Variants in KMT2E observed in about 807,000 individuals in gnomAD.
The protein encoded by KMT2E is histone reader KMT2E.
KMT2E carries 30 observed loss-of-function variants against 184.6 expected under a neutral mutation model. That is an observed-to-expected ratio of 0.16 (90% confidence interval 0.12 to 0.22). The LOEUF (loss-of-function observed/expected upper bound fraction) is 0.22, where lower values mean the gene tolerates loss of function less well. Among genes scored for constraint, KMT2E ranks in the 10% least tolerant of loss-of-function variants. KMT2E has a pLI of 1.00. For synonymous variants in KMT2E, 815 were observed against 776.5 expected, an observed-to-expected ratio of 1.05 and a Z score of -0.82; for missense variants, 2,023 against 2,237.4, an observed-to-expected ratio of 0.90 and a Z score of 1.93.
chr7:105,055,430 T>G (rs1371270733), intron 3 of KMT2E, among the ~76,000 whole-genome samples: 1 of 152,170 alleles, frequency 6.6e-6, no homozygotes, highest in African/African-American at 2.4e-5. Context: ...GAACTAGTCC[T>G]TGTCTATTCT....
chr7:105,017,471 A>G (rs985967676), intron 1 of KMT2E, among the ~76,000 whole-genome samples: 3 of 128,550 alleles, frequency 2.3e-5, no homozygotes, highest in Non-Finnish European at 5.1e-5. Flanking sequence ...GTAAAATGAT[A>G]CTGGCTTTTT....
chr7:105,077,410 A>G lies in KMT2E; in HGVS notation c.1107A>G (p.Glu369=). 6.2e-7 allele frequency: 1 copy of G among 1,607,864 alleles called. No homozygotes were observed. The highest frequency in any genetic ancestry group is 8.5e-7 in the Non-Finnish European group (1 of 1,175,888). The stretch of plus-strand genomic sequence containing the variant: ...AGTTTATGCTGAGAGAACAGTTTGA[A>G]GCAAATGGGTATTTCTTTAAAAGGT... ...RGKFMLREQF[E]ANGYFFKRPY... Residue 369 remains glutamate (E), a synonymous_variant, in exon 11 of 27, where the codon GAA becomes GAG. Transcript: ENST00000311117.
intron 1 of KMT2E, among the ~76,000 whole-genome samples, chr7:105,015,536 A>G (rs1202169735): frequency 6.6e-6 from 1 of 152,190 alleles, no homozygotes; most frequent in East Asian, 1.9e-4. Context: ...CTTGGAGAGA[A>G]TTAAGTGAGG....
intron 1 of KMT2E, among the ~76,000 whole-genome samples, chr7:105,026,206 C>T (rs1192567138): frequency 2.0e-5 from 3 of 152,002 alleles, no homozygotes; most frequent in Admixed American, 1.3e-4. Context: ...GGGATGGATC[C>T]AATTACATAC....
chr7:105,109,327 C>T (rs111361594), intron 23 of KMT2E, 99 bp downstream of exon 23: 52 of 1,215,710 alleles, frequency 4.3e-5, no homozygotes, highest in Non-Finnish European at 4.9e-5. Flanking sequence ...GATAGTGCTT[C>T]GTGGTCACAA....
rs1037090743 is a variant in KMT2E, at chr7:105,033,958, C to T, written c.-188-4168C>T. Among the ~76,000 whole-genome samples the T allele has an allele frequency of 2.7e-4, 41 of 152,050 alleles. 1 individual carries two copies. The highest frequency in any genetic ancestry group is 3.9e-4 in the Admixed American group (6 of 15,258). ...TTTTAACAACCCACTATCTCAGGAA[C>T]GAATCTATTCCTCAGAGAACTAATC... On this transcript the variant is annotated intron_variant, in intron 1 of 26. Coordinates refer to ENST00000311117, the MANE Select transcript of KMT2E (RefSeq NM_182931.3).
chr7:105,089,949 A>C, intron 13 of KMT2E, 60 bp from the exon 14 acceptor site: 1 of 1,574,274 alleles, frequency 6.4e-7, no homozygotes. Flanking sequence ...AAAATGGATT[A>C]GAAAATTTCC....
chr7:105,035,396 T>TGACC (rs1436520571), intron 1 of KMT2E, among the ~76,000 whole-genome samples: 2 of 151,560 alleles, frequency 1.3e-5, no homozygotes, highest in East Asian at 3.9e-4. Flanking sequence ...CTCGAACTCC[T>TGACC]GACCTCAAAT....
chr7:105,064,109 T>C, intron 5 of KMT2E: 1 of 393,480 alleles, frequency 2.5e-6, no homozygotes, highest in South Asian at 1.8e-5. Context: ...CCTCCTCCCC[T>C]AGAGAAGGTG....
At chr7:105,083,585 CTTT>C (rs1331988622) in intron 13 of KMT2E, among the ~76,000 whole-genome samples, 11 of 152,216 alleles carry the variant, frequency 7.2e-5, no homozygotes, top group African/African-American at 2.7e-4. Context: ...GGTTTAGCAG[CTTT>C]ATAGATAAGG....
chr7:105,084,141 AT>A (rs765279112), intron 13 of KMT2E, among the ~76,000 whole-genome samples: 1 of 152,072 alleles, frequency 6.6e-6, no homozygotes. Flanking sequence ...TTTTATTATT[AT>A]TTTTTACAAT....
intron 3 of KMT2E, among the ~76,000 whole-genome samples, chr7:105,057,772 A>G (rs1340513984): frequency 6.6e-6 from 1 of 152,164 alleles, no homozygotes; most frequent in Admixed American, 6.6e-5. Flanking sequence ...TTTAAAACAA[A>G]TTCCCATTTC....
chr7:105,096,247 C>CAA (rs11330758), intron 15 of KMT2E, among the ~76,000 whole-genome samples: 534 of 68,202 alleles, frequency 7.8e-3, no homozygotes, highest in Non-Finnish European at 9.9e-3. Context: ...GTGAAAGGCT[C>CAA]AAAAAAAAAA....
chr7:105,102,941 T>C (rs1017463674), intron 17 of KMT2E: 1 of 152,224 alleles, frequency 6.6e-6, no homozygotes, highest in Non-Finnish European at 1.5e-5. Flanking sequence ...AAAATTCTAG[T>C]ATGAACCCAG....
chr7:105,099,416 TGA>T (rs1226309475), intron 15 of KMT2E, among the ~76,000 whole-genome samples: 4 of 152,230 alleles, frequency 2.6e-5, no homozygotes, highest in Non-Finnish European at 5.9e-5. Flanking sequence ...TTTAAGATCC[TGA>T]TCAACTCTAG....
At chr7:105,078,758 T>G in intron 11 of KMT2E, 88 bp from the exon 12 acceptor site, 1 of 510,470 alleles carries the variant, frequency 2.0e-6, no homozygotes, top group Non-Finnish European at 3.6e-6. Context: ...TCCACCTGCC[T>G]CGGCCTCCCA....
At chr7:105,041,063 AAAAC>A in intron 3 of KMT2E, 40 bp downstream of exon 3, 2 of 1,316,444 alleles carry the variant, frequency 1.5e-6, no homozygotes, top group Non-Finnish European at 2.1e-6. Context: ...AAAAAAAAAA[AAAAC>A]CCTTCTGGAG....
At chr7:105,096,283 C>T (rs796223104) in intron 15 of KMT2E, among the ~76,000 whole-genome samples, 1 of 151,312 alleles carries the variant, frequency 6.6e-6, no homozygotes, top group African/African-American at 2.4e-5. Flanking sequence ...ACACTTCCTC[C>T]CCCATTTATA....
At chr7:105,108,504 C>T (rs1401179296) in intron 22 of KMT2E, 2 of 446,992 alleles carry the variant, frequency 4.5e-6, no homozygotes, top group Admixed American at 2.4e-5. Flanking sequence ...TTTGCAAGTC[C>T]AAGAATTTTC....
Sources: allele counts gnomAD v4.1 joint callset (sites outside exome capture counted in the v4.1 genomes callset), GRCh38; gene constraint gnomAD v4.1.1; transcripts MANE v1.5; gene names NCBI Gene and HGNC (gene_info 2026-07-23, HGNC 2026-07-21).